ZNF236: variants seen among roughly 807,000 people sequenced by gnomAD.
The protein encoded by ZNF236 is zinc finger protein 236, also known as regulated by glucose.
In ZNF236, 50 loss-of-function variants were observed where a neutral mutation model predicts 191.2. The observed-to-expected ratio is 0.26, with a 90% CI of 0.21 to 0.33. The LOEUF (loss-of-function observed/expected upper bound fraction) is 0.33. Ranked by LOEUF, ZNF236 falls within the 10% of genes least tolerant of loss-of-function variation. The pLI is 1.00. For missense variants in ZNF236, 1,754 were observed against 2,374.5 expected (o/e 0.74, Z 5.43); for synonymous variants, 907 against 928.8 (o/e 0.98, Z 0.43).
At chr18:76,874,102 C>T (rs184360902) in intron 5 of ZNF236, among the ~76,000 whole-genome samples, 145 of 146,540 alleles carry the variant, frequency 9.9e-4, no homozygotes, top group African/African-American at 3.3e-3. Flanking sequence ...CCCGCCTGTC[C>T]TCCTCTCCTG....
At chr18:76,847,615 A>G (rs370270879) in intron 1 of ZNF236, among the ~76,000 whole-genome samples, 1,588 of 152,044 alleles carry the variant, frequency 0.01, 23 homozygotes, top group South Asian at 0.014. Context: ...ACAGGCGCCC[A>G]CCACCACGCC....
In ZNF236 at chr18:76,892,228, T is replaced by C. The variant is rs540200412; in HGVS notation, c.1418-2785T>C. Among the ~76,000 whole-genome samples, 7 of 107,256 alleles carry C rather than the reference T, an allele frequency of 6.5e-5. No individual in the cohort carries two copies. In the South Asian group the frequency reaches 1.7e-3, roughly 26 times the overall value. 70.4% of individuals were successfully genotyped at this position (107,256 alleles called of 152,430 possible). A position where few individuals can be genotyped will look rare whatever the true frequency, so the allele number is the denominator to read the frequency against. ...GTATTGATTTTCTTGTATTAAAACT[T>C]GGGTATCTTTCTGAGTTCTAGGTTT... On this transcript the variant is annotated intron_variant, in intron 9 of 30. Coordinates refer to ENST00000320610, the MANE Select transcript of ZNF236 (RefSeq NM_001306089.2).
At chr18:76,932,331 A>T (rs1967876717) in intron 25 of ZNF236, among the ~76,000 whole-genome samples, 1 of 152,112 alleles carries the variant, frequency 6.6e-6, no homozygotes, top group Admixed American at 6.5e-5. Flanking sequence ...TGAAGCAAGG[A>T]GGTGTGGATA....
intron 1 of ZNF236, among the ~76,000 whole-genome samples, chr18:76,827,592 A>G (rs1176954553): frequency 6.6e-6 from 1 of 152,226 alleles, no homozygotes; most frequent in African/African-American, 2.4e-5. Flanking sequence ...ATAAAGGTAG[A>G]AAGTGTTCAT....
chr18:76,867,131 G>T (rs1976440197), intron 3 of ZNF236, among the ~76,000 whole-genome samples: 1 of 152,122 alleles, frequency 6.6e-6, no homozygotes, highest in Admixed American at 6.6e-5. Context: ...GGGCTGCGAG[G>T]GGTTTTGTGA....
chr18:76,903,013 G>C (rs551725004), intron 11 of ZNF236, among the ~76,000 whole-genome samples: 167 of 152,324 alleles, frequency 1.1e-3, no homozygotes, highest in Non-Finnish European at 1.3e-3. Flanking sequence ...TGTCCAGAAG[G>C]CTTGTGAGAT....
chr18:76,894,773 C>T (rs1977350693), intron 9 of ZNF236, among the ~76,000 whole-genome samples: 1 of 152,194 alleles, frequency 6.6e-6, no homozygotes, highest in African/African-American at 2.4e-5. Flanking sequence ...GCTGGACCTA[C>T]CGAATCAATC....
chr18:76,862,454 C>G (rs1271484449), intron 3 of ZNF236, among the ~76,000 whole-genome samples: 1 of 152,104 alleles, frequency 6.6e-6, no homozygotes, highest in African/African-American at 2.4e-5. Flanking sequence ...GGTGCTTGGG[C>G]CCAAGCAGGG....
chr18:76,954,174 A>G lies in ZNF236; in HGVS notation c.4915-1811A>G, dbSNP rs571927015. ...GGAGATTTGTTTCACAGTAGTAGCAATAATTCAGAAGCTTTGCTTCTGATG... is the reference window on the plus strand; with the variant it reads ...GGAGATTTGTTTCACAGTAGTAGCAGTAATTCAGAAGCTTTGCTTCTGATG... On this transcript the variant is annotated intron_variant, in intron 27 of 30. Coordinates refer to ENST00000320610, the MANE Select transcript of ZNF236 (RefSeq NM_001306089.2). 2.1e-3 allele frequency among the ~76,000 whole-genome samples: 316 copies of G among 152,344 alleles called. 1 individual carries two copies. The highest frequency in any genetic ancestry group is 7.1e-3 in the African/African-American group (294 of 41,584).
chr18:76,846,723 C>T (rs1170669464), intron 1 of ZNF236, among the ~76,000 whole-genome samples: 2 of 152,072 alleles, frequency 1.3e-5, no homozygotes, highest in Non-Finnish European at 2.9e-5. Flanking sequence ...AGTTTGTTAA[C>T]GTGCAGAGTC....
intron 9 of ZNF236, among the ~76,000 whole-genome samples, chr18:76,883,386 T>A (rs532674533): frequency 0.076 from 7,969 of 104,688 alleles, 757 homozygotes; most frequent in African/African-American, 0.24. Context: ...TTTTTTTTTT[T>A]AAGTGACCTC....
intron 1 of ZNF236, among the ~76,000 whole-genome samples, chr18:76,829,783 C>T (rs547810338): frequency 1.3e-5 from 2 of 152,376 alleles, no homozygotes; most frequent in East Asian, 1.9e-4. Context: ...GTCAAGCCAG[C>T]ATCCAGTGTG....
In ZNF236 at chr18:76,925,402, C is replaced by G; in HGVS notation, c.3875C>G (p.Ser1292Trp). Residue 1292 changes from serine to tryptophan, a missense_variant, in exon 22 of 31, where the codon TCG becomes TGG. Ser to Trp is a radical substitution (Grantham distance 177). Around this residue, in one of 5 missense-constraint regions of ZNF236, gnomAD observed 606 missense variants for 761.5 expected, o/e 0.80. Coordinates refer to ENST00000320610, the MANE Select transcript of ZNF236 (RefSeq NM_001306089.2). This position sits in a 1 kb window ranked among gnomAD's most constrained non-coding sequence, Gnocchi z 5.7. ...KARKPMTRSS[S>W]EGLQPVNLLN... is the part of the protein sequence containing the mutation. ...AGAAAGCCTATGACTCGAAGCTCAT[C>G]GGAAGGACTGCAGCCTGTAAACCTC... 6.2e-7 allele frequency: 1 copy of G among 1,614,192 alleles called. No homozygotes were observed. Among genetic ancestry groups the G allele is most frequent in the South Asian group, 1.1e-5 (1 of 91,084 alleles).
chr18:76,949,044 G>A (rs993207210), intron 27 of ZNF236, among the ~76,000 whole-genome samples: 5 of 152,194 alleles, frequency 3.3e-5, no homozygotes, highest in African/African-American at 9.7e-5. Flanking sequence ...CTCAGGCCTG[G>A]TGAGGTAACT....
In ZNF236 at chr18:76,968,320, C is replaced by A. The variant is rs781281240; in HGVS notation, c.5525C>A (p.Ala1842Asp). The change falls in exon 31 of 31, where the codon GCC becomes GAC. Residue 1842 changes from alanine (A) to aspartate (D), a missense_variant. Coordinates refer to ENST00000320610, the MANE Select transcript of ZNF236 (RefSeq NM_001306089.2). Reference protein sequence around the residue: ...VVQEAAGEWQALTHVF With the variant: ...VVQEAAGEWQDLTHVF Reference sequence around the variant, plus strand: ...CAGGAGGCCGCCGGCGAGTGGCAGGCCCTCACCCACGTCTTCTGATGCGAG... The same window carrying A: ...CAGGAGGCCGCCGGCGAGTGGCAGGACCTCACCCACGTCTTCTGATGCGAG... 1.9e-6 allele frequency: 3 copies of A among 1,607,752 alleles called. No individual in the cohort carries two copies. Among genetic ancestry groups the A allele is most frequent in the Non-Finnish European group, 1.7e-6 (2 of 1,178,374 alleles).
At chr18:76,854,571 T>A (rs578230485) in intron 3 of ZNF236, among the ~76,000 whole-genome samples, 4 of 134,256 alleles carry the variant, frequency 3.0e-5, no homozygotes, top group Non-Finnish European at 6.2e-5. Context: ...CTGGGCAACA[T>A]AGACTGTCAC....
chr18:76,890,401 T>A (rs1255979612), intron 9 of ZNF236, among the ~76,000 whole-genome samples: 2 of 152,222 alleles, frequency 1.3e-5, no homozygotes, highest in Non-Finnish European at 2.9e-5. Context: ...GTACCGACCT[T>A]ATTGAAATTT....
chr18:76,946,534 A>G (rs1224486134), intron 26 of ZNF236, among the ~76,000 whole-genome samples: 3 of 152,246 alleles, frequency 2.0e-5, no homozygotes, highest in Non-Finnish European at 4.4e-5. Flanking sequence ...GGAGCCAAGA[A>G]CATCAGCCAT....
chr18:76,911,955 G>A (rs1421715283), intron 16 of ZNF236, among the ~76,000 whole-genome samples: 3 of 152,176 alleles, frequency 2.0e-5, no homozygotes, highest in Non-Finnish European at 4.4e-5. Flanking sequence ...TAGAGCAGAT[G>A]AAAGAGGAAT....
Sources: gnomAD v4.1 joint callset for allele counts (sites outside exome capture counted in the v4.1 genomes callset) on GRCh38, gnomAD v4.1.1 for gene constraint, gnomAD v4.1.1 regional missense constraint, Gnocchi (gnomAD v3.1) non-coding constraint, MANE v1.5 for transcripts, NCBI Gene and HGNC (gene_info 2026-07-23, HGNC 2026-07-21) for gene names.